BRIP1: variants seen among roughly 807,000 people sequenced by gnomAD.
BRIP1 encodes Fanconi anemia group J protein.
A neutral mutation model predicts 119.7 loss-of-function variants in BRIP1; 88 were observed. That is an observed-to-expected ratio of 0.74 (90% CI 0.62 to 0.88). The LOEUF (loss-of-function observed/expected upper bound fraction) is 0.88. Ranked by LOEUF, BRIP1 falls within the 40% of genes least tolerant of loss-of-function variation. The probability of loss-of-function intolerance (pLI) is 0.00; values close to 1 mark genes in which losing one functional copy is unlikely to be tolerated. For missense variants in BRIP1, 1,259 were observed against 1,455.4 expected (o/e 0.87, Z 2.20); for synonymous variants, 443 against 496.5 (o/e 0.89, Z 1.43).
At position 61,818,588 on chromosome 17, in the gene BRIP1, G is replaced by A. The variant is rs370831490; in HGVS notation, c.628-9831C>T. On this transcript the variant is annotated intron_variant, in intron 6 of 19. Transcript: ENST00000259008. ...CTACAAAAAATAATGAGAAAACTTT[G>A]CTGAGAAATGCAGATGTCACACCAG... Among the ~76,000 whole-genome samples the A allele has an allele frequency of 1.1e-4, 17 of 152,274 alleles. No homozygotes were observed. The East Asian group carries it at 1.5e-3, about 14-fold the overall frequency.
At position 61,857,237 on chromosome 17, in the gene BRIP1, A is replaced by T. The variant is rs1555617938; in HGVS notation, c.206-6T>A. On this transcript the variant is annotated splice_region_variant and splice_polypyrimidine_tract_variant and intron_variant, in intron 3 of 19. Coordinates refer to ENST00000259008, the MANE Select transcript of BRIP1 (RefSeq NM_032043.3). The surrounding 1 kb of genome is among the most constrained non-coding windows in gnomAD (Gnocchi z 5.1). ...GCCCTCATCTGCTGGTTTCCCTAAA[A>T]ATGAAAGAACATCTATTTATAATAT... 5.0e-6 allele frequency: 8 copies of T among 1,610,402 alleles called. No individual in the cohort carries two copies. Among genetic ancestry groups the T allele is most frequent in the Non-Finnish European group, 6.8e-6 (8 of 1,177,014 alleles).
At chr17:61,782,202 G>A (rs1159263927) in intron 11 of BRIP1, among the ~76,000 whole-genome samples, 3 of 151,828 alleles carry the variant, frequency 2.0e-5, no homozygotes, top group African/African-American at 7.3e-5. Flanking sequence ...TGGCTAACAC[G>A]GTGAAACCCC....
rs967845374 is a variant in BRIP1 at position 61,798,091 on chromosome 17, A to G, written c.1340+1009T>C. ...CATACAAATGAAATTATGTATGTTC[A>G]AAGTTATTCATTATAGCAGTTTAAG... On this transcript the variant is annotated intron_variant, in intron 9 of 19. Transcript: ENST00000259008. The surrounding 1 kb of genome is among the most constrained non-coding windows in gnomAD (Gnocchi z 5.5). Among the ~76,000 whole-genome samples the G allele has an allele frequency of 6.6e-6, 1 of 152,066 alleles. No individual in the cohort carries two copies. The highest frequency in any genetic ancestry group is 2.4e-5 in the African/African-American group (1 of 41,454).
At chr17:61,763,390 C>T (rs2077306172) in intron 14 of BRIP1, among the ~76,000 whole-genome samples, 3 of 152,088 alleles carry the variant, frequency 2.0e-5, no homozygotes, top group Non-Finnish European at 2.9e-5. Context: ...GAACCTAAAA[C>T]TGGTATAAAA....
rs932408573 is a variant in BRIP1, at chr17:61,685,949, G to A, written c.2792C>T (p.Pro931Leu). 6.2e-7 allele frequency: 1 copy of A among 1,613,892 alleles called. No individual in the cohort carries two copies. Among genetic ancestry groups the A allele is most frequent in the Non-Finnish European group, 8.5e-7 (1 of 1,179,808 alleles). The change falls in exon 19 of 20, where the codon CCA becomes CTA. Residue 931 changes from proline (P) to leucine (L), a missense_variant. Physicochemically the swap from Pro to Leu is moderately conservative, Grantham distance 98 (BLOSUM62 -3). Around this residue, in one of 3 missense-constraint regions of BRIP1, gnomAD observed 753 missense variants for 891.8 expected, o/e 0.84. Transcript: ENST00000259008. ...YLLEAASHLS[P>L]ENFVEDEAKI... ...TGCTTCATCTTCCACAAAATTTTCTGGTGATAGATGACTTGCTGCTTCCAG... is the reference window on the plus strand; with the variant it reads ...TGCTTCATCTTCCACAAAATTTTCTAGTGATAGATGACTTGCTGCTTCCAG...
chr17:61,761,091 T>C lies in BRIP1; in HGVS notation c.2097+15310A>G, dbSNP rs527909871. Among the ~76,000 whole-genome samples the C allele has an allele frequency of 3.3e-5, 5 of 152,184 alleles. No individual in the cohort carries two copies. Among genetic ancestry groups the C allele is most frequent in the South Asian group, 4.1e-4 (2 of 4,820 alleles). On this transcript the variant is annotated intron_variant, in intron 14 of 19. Transcript: ENST00000259008. The surrounding 1 kb of genome is among the most constrained non-coding windows in gnomAD (Gnocchi z 6.4). ...TGGGATTTATCACTGGATGGAAAGA[T>C]AGTTCAACATATGTAAATCAATAAA...
At chr17:61,733,933 C>A (rs2076884645) in intron 16 of BRIP1, among the ~76,000 whole-genome samples, 1 of 152,086 alleles carries the variant, frequency 6.6e-6, no homozygotes, top group African/African-American at 2.4e-5. Context: ...TCTAAACACA[C>A]CACTTCAACA....
At chr17:61,790,326 C>T (rs1483546728) in intron 10 of BRIP1, among the ~76,000 whole-genome samples, 1 of 152,116 alleles carries the variant, frequency 6.6e-6, no homozygotes, top group East Asian at 1.9e-4. Flanking sequence ...GGGCGGATCA[C>T]CTGAGGTCAG....
In BRIP1 at chr17:61,733,351, CA is replaced by C. The variant is rs1419265398; in HGVS notation, c.2379+9661del. On this transcript the variant is annotated intron_variant, in intron 16 of 19. Coordinates refer to ENST00000259008, the MANE Select transcript of BRIP1 (RefSeq NM_032043.3). ...TGGGCAATATAGTGAGACTCTGTCT[CA>C]AAAAAAATTTTTTTTTAATTCCAAT... is the stretch of plus-strand genomic sequence containing the variant. 6.6e-5 allele frequency among the ~76,000 whole-genome samples: 10 copies of C among 151,818 alleles called. 1 individual carries two copies. The highest frequency in any genetic ancestry group is 4.2e-4 in the South Asian group (2 of 4,784).
rs1567730843 is a variant in BRIP1, at chr17:61,685,718, C to CTA, written c.2905+117_2905+118insTA. ...ATACTGTTTCACTATTTTATGATAA[C>CTA]ACCTTATATTACAAACCACCATATT... is the stretch of plus-strand genomic sequence containing the variant. On this transcript the variant is annotated intron_variant, in intron 19 of 19. Coordinates refer to ENST00000259008, the MANE Select transcript of BRIP1 (RefSeq NM_032043.3). The CTA allele has an allele frequency of 1.1e-6, 1 of 930,178 alleles. No homozygotes were observed. The highest frequency in any genetic ancestry group is 1.7e-6 in the Non-Finnish European group (1 of 601,548). 57.6% of individuals were successfully genotyped at this position (930,178 alleles called of 1,614,324 possible).
chr17:61,810,378 C>A lies in BRIP1; in HGVS notation c.628-1621G>T, dbSNP rs541152913. ...GAATGCAAATTATATCATGATATTT[C>A]TGACTGAATTCTTTTTGGCTTTTGC... On this transcript the variant is annotated intron_variant, in intron 6 of 19. Transcript: ENST00000259008. The surrounding 1 kb of genome is among the most constrained non-coding windows in gnomAD (Gnocchi z 4.7). Among the ~76,000 whole-genome samples, 2 of 152,280 alleles carry A rather than the reference C, an allele frequency of 1.3e-5. No homozygotes were observed. The highest frequency in any genetic ancestry group is 4.8e-5 in the African/African-American group (2 of 41,566).
In BRIP1 at chr17:61,693,049, G is replaced by C. The variant is rs1338251566; in HGVS notation, c.2575+381C>G. 6.6e-6 allele frequency among the ~76,000 whole-genome samples: 1 copy of C among 152,158 alleles called. No homozygotes were observed. Among genetic ancestry groups the C allele is most frequent in the African/African-American group, 2.4e-5 (1 of 41,436 alleles). On this transcript the variant is annotated intron_variant, in intron 18 of 19. Coordinates refer to ENST00000259008, the MANE Select transcript of BRIP1 (RefSeq NM_032043.3). The surrounding 1 kb of genome is among the most constrained non-coding windows in gnomAD (Gnocchi z 4.2). ...TAAAATATTAAGCAGTCATTGAAAA[G>C]AAGGAAATCCTGCAACATAGATGAA...
In BRIP1 at chr17:61,686,523, A is replaced by G. The variant is rs967002939; in HGVS notation, c.2576-358T>C. On this transcript the variant is annotated intron_variant, in intron 18 of 19. Transcript: ENST00000259008. The surrounding 1 kb of genome is among the most constrained non-coding windows in gnomAD (Gnocchi z 5.4). ...TGCCTTTTTTTTTTGTAGGGAAACT[A>G]GAAGTTGTAAACAATACAACTTTCC... is the stretch of plus-strand genomic sequence containing the variant. Among the ~76,000 whole-genome samples the G allele has an allele frequency of 6.6e-6, 1 of 152,124 alleles. No homozygotes were observed. Among genetic ancestry groups the G allele is most frequent in the African/African-American group, 2.4e-5 (1 of 41,420 alleles).
rs1350128432 is a variant in BRIP1 at position 61,756,539 on chromosome 17, T to A, written c.2098-11948A>T. ...TTGTTAACCTCAGAGGCAATTTTTTTTAAAGTCAGATCTCACAAACTAAAA... is the reference window on the plus strand; with the variant it reads ...TTGTTAACCTCAGAGGCAATTTTTTATAAAGTCAGATCTCACAAACTAAAA... On this transcript the variant is annotated intron_variant, in intron 14 of 19. Transcript: ENST00000259008. This position sits in a 1 kb window ranked among gnomAD's most constrained non-coding sequence, Gnocchi z 4.3. Among the ~76,000 whole-genome samples, 2 of 152,212 alleles carry A rather than the reference T, an allele frequency of 1.3e-5. No individual in the cohort carries two copies. The highest frequency in any genetic ancestry group is 2.9e-5 in the Non-Finnish European group (2 of 68,040).
intron 6 of BRIP1, among the ~76,000 whole-genome samples, chr17:61,821,758 G>T (rs558905168): frequency 6.6e-6 from 1 of 151,178 alleles, no homozygotes; most frequent in African/African-American, 2.4e-5. Context: ...TCTCTCTCTC[G>T]CCCATGCTGG....
At position 61,768,006 on chromosome 17, in the gene BRIP1, C is replaced by T. The variant is rs2077396254; in HGVS notation, c.2097+8395G>A. Reference sequence around the variant, plus strand: ...CTCTTCCTACTCTTAATTCCATTATCATTCTTCTTAATCTCTCTAATGATT... The same window carrying T: ...CTCTTCCTACTCTTAATTCCATTATTATTCTTCTTAATCTCTCTAATGATT... On this transcript the variant is annotated intron_variant, in intron 14 of 19. Transcript: ENST00000259008. The surrounding 1 kb of genome is among the most constrained non-coding windows in gnomAD (Gnocchi z 5.0). 6.6e-6 allele frequency among the ~76,000 whole-genome samples: 1 copy of T among 152,178 alleles called. No homozygotes were observed. Among genetic ancestry groups the T allele is most frequent in the Non-Finnish European group, 1.5e-5 (1 of 68,042 alleles).
At position 61,742,476 on chromosome 17, in the gene BRIP1, A is replaced by G. The variant is rs1603303584; in HGVS notation, c.2379+537T>C. Among the ~76,000 whole-genome samples, 1 of 152,284 alleles carries G rather than the reference A, an allele frequency of 6.6e-6. No homozygotes were observed. The highest frequency in any genetic ancestry group is 1.9e-4 in the East Asian group (1 of 5,178). On this transcript the variant is annotated intron_variant, in intron 16 of 19. Coordinates refer to ENST00000259008, the MANE Select transcript of BRIP1 (RefSeq NM_032043.3). This position sits in a 1 kb window ranked among gnomAD's most constrained non-coding sequence, Gnocchi z 4.7. ...CAATATGCCTTGCTCACTAAGCTTAATCATGTCTCGCCTTTGATTTAAAGT... is the reference window on the plus strand; with the variant it reads ...CAATATGCCTTGCTCACTAAGCTTAGTCATGTCTCGCCTTTGATTTAAAGT...
In BRIP1 at chr17:61,703,370, G is replaced by A. The variant is rs1315526041; in HGVS notation, c.2493-9858C>T. On this transcript the variant is annotated intron_variant, in intron 17 of 19. Transcript: ENST00000259008. The surrounding 1 kb of genome is among the most constrained non-coding windows in gnomAD (Gnocchi z 5.0). Reference sequence around the variant, plus strand: ...AGCCACCACGCCCAGCCACATTGTGGTTTTGATTTGCATTTCTCTAATGAT... The same window carrying A: ...AGCCACCACGCCCAGCCACATTGTGATTTTGATTTGCATTTCTCTAATGAT... Among the ~76,000 whole-genome samples, 2 of 152,100 alleles carry A rather than the reference G, an allele frequency of 1.3e-5. No individual in the cohort carries two copies. The highest frequency in any genetic ancestry group is 1.9e-4 in the East Asian group (1 of 5,190).
rs1369110428 is a variant in BRIP1 at position 61,789,220 on chromosome 17, A to G, written c.1473+4377T>C. On this transcript the variant is annotated intron_variant, in intron 10 of 19. Transcript: ENST00000259008. The surrounding 1 kb of genome is among the most constrained non-coding windows in gnomAD (Gnocchi z 4.8). ...AATCCAAGGTTACAGTGAGCTATGA[A>G]TGCACCATTGCACTTCATTCCGGGC... 6.6e-6 allele frequency among the ~76,000 whole-genome samples: 1 copy of G among 152,012 alleles called. No homozygotes were observed. Among genetic ancestry groups the G allele is most frequent in the Admixed American group, 6.6e-5 (1 of 15,264 alleles).
Sources: gnomAD v4.1 joint callset for allele counts (sites outside exome capture counted in the v4.1 genomes callset) on GRCh38, gnomAD v4.1.1 for gene constraint, gnomAD v4.1.1 regional missense constraint, Gnocchi (gnomAD v3.1) non-coding constraint, MANE v1.5 for transcripts, NCBI Gene and HGNC (gene_info 2026-07-23, HGNC 2026-07-21) for gene names.